The following SLC39A11 variants were observed in gnomAD, a reference collection of about 807,000 sequenced individuals.
SLC39A11 encodes solute carrier family 39 member 11.
Under a neutral mutation model 36.1 loss-of-function variants are expected in SLC39A11, and 33 were observed. The observed-to-expected ratio is 0.91, with a 90% CI of 0.69 to 1.22. The LOEUF (loss-of-function observed/expected upper bound fraction) is 1.22, where lower values mean the gene tolerates loss of function less well. Among genes scored for constraint, SLC39A11 ranks in the 50% most tolerant of loss-of-function variants. The probability of loss-of-function intolerance (pLI) is 0.00; values close to 1 mark genes in which losing one functional copy is unlikely to be tolerated. For synonymous variants in SLC39A11, 166 were observed against 170.3 expected (o/e 0.97, Z 0.20); for missense variants, 432 against 430.3 (o/e 1.00, Z -0.03).
chr17:72,722,353 A>T (rs1387791409), intron 7 of SLC39A11, among the ~76,000 whole-genome samples: 1 of 152,242 alleles, frequency 6.6e-6, no homozygotes, highest in Non-Finnish European at 1.5e-5. Flanking sequence ...GATTTTCAAC[A>T]GATGAAAACA....
At chr17:72,732,322 T>G (rs1044935219) in intron 7 of SLC39A11, among the ~76,000 whole-genome samples, 11 of 152,178 alleles carry the variant, frequency 7.2e-5, no homozygotes, top group African/African-American at 2.7e-4. Flanking sequence ...CCATGTGCAT[T>G]ACTTTTAACT....
intron 6 of SLC39A11, among the ~76,000 whole-genome samples, chr17:72,799,565 C>T (rs1345791895): frequency 6.6e-6 from 1 of 152,082 alleles, no homozygotes; most frequent in Non-Finnish European, 1.5e-5. Flanking sequence ...GAAAGGAATG[C>T]ATTCCTGGGG....
At chr17:72,989,028 C>T (rs908285294) in intron 4 of SLC39A11, among the ~76,000 whole-genome samples, 2 of 152,106 alleles carry the variant, frequency 1.3e-5, no homozygotes, top group African/African-American at 2.4e-5. Flanking sequence ...CTGGCCACCA[C>T]GATAAGACCT....
intron 7 of SLC39A11, among the ~76,000 whole-genome samples, chr17:72,658,962 C>A (rs1408868392): frequency 6.6e-6 from 1 of 152,144 alleles, no homozygotes; most frequent in Non-Finnish European, 1.5e-5. Flanking sequence ...CCTATTCCCC[C>A]CAGACTGGTG....
chr17:72,792,064 C>T (rs1013759889), intron 6 of SLC39A11, among the ~76,000 whole-genome samples: 34 of 152,316 alleles, frequency 2.2e-4, no homozygotes, highest in African/African-American at 7.5e-4. Context: ...GTTGTTCTGA[C>T]CCCCTTTAGT....
intron 6 of SLC39A11, among the ~76,000 whole-genome samples, chr17:72,755,839 C>T (rs1001984372): frequency 7.2e-5 from 11 of 152,214 alleles, no homozygotes; most frequent in African/African-American, 2.4e-4. Context: ...GCTCTCCCCA[C>T]TGGTAGATGC....
At chr17:72,849,335 CT>C (rs1250423497) in intron 6 of SLC39A11, among the ~76,000 whole-genome samples, 1 of 152,194 alleles carries the variant, frequency 6.6e-6, no homozygotes, top group East Asian at 1.9e-4. Flanking sequence ...AAAAGATACC[CT>C]CCACAGCAAT....
chr17:72,791,621 T>C (rs146787409), intron 6 of SLC39A11, among the ~76,000 whole-genome samples: 3 of 152,316 alleles, frequency 2.0e-5, no homozygotes, highest in African/African-American at 4.8e-5. Flanking sequence ...AAGGTACTGA[T>C]ATAGTGTGGC....
At chr17:73,011,508 G>A (rs1191897795) in intron 4 of SLC39A11, among the ~76,000 whole-genome samples, 32 of 152,228 alleles carry the variant, frequency 2.1e-4, no homozygotes, top group Admixed American at 1.9e-3. Context: ...GCGGGGAGAC[G>A]AAGGTACCCT....
chr17:72,676,541 C>A (rs183233798), intron 7 of SLC39A11, among the ~76,000 whole-genome samples: 1 of 152,114 alleles, frequency 6.6e-6, no homozygotes, highest in African/African-American at 2.4e-5. Context: ...CAATCAGCAG[C>A]AGCATGCAGA....
chr17:73,017,918 T>G (rs1203667369), intron 4 of SLC39A11, among the ~76,000 whole-genome samples: 2 of 152,022 alleles, frequency 1.3e-5, no homozygotes, highest in Non-Finnish European at 2.9e-5. Flanking sequence ...AAAAGAGAAT[T>G]CTTTCTAAGG....
intron 6 of SLC39A11, among the ~76,000 whole-genome samples, chr17:72,802,234 G>C (rs1012063844): frequency 1.3e-5 from 2 of 152,174 alleles, no homozygotes; most frequent in Non-Finnish European, 1.5e-5. Context: ...AGGGCAGATT[G>C]ATTCCACTTC....
intron 3 of SLC39A11, among the ~76,000 whole-genome samples, chr17:73,034,656 A>C (rs1421197766): frequency 6.6e-6 from 1 of 151,952 alleles, no homozygotes; most frequent in Non-Finnish European, 1.5e-5. Context: ...CCCACCCTGC[A>C]CTCCGATGAA....
chr17:72,669,582 C>G (rs1161120881), intron 7 of SLC39A11, among the ~76,000 whole-genome samples: 1 of 152,196 alleles, frequency 6.6e-6, no homozygotes, highest in Non-Finnish European at 1.5e-5. Context: ...CTCGATGTGT[C>G]TTATTCCTGG....
intron 7 of SLC39A11, among the ~76,000 whole-genome samples, chr17:72,734,416 C>T (rs2074341746): frequency 6.6e-6 from 1 of 152,124 alleles, no homozygotes; most frequent in African/African-American, 2.4e-5. Flanking sequence ...ATCATTCCTG[C>T]CCCTCAGGCT....
At chr17:72,917,557 C>G (rs180808204) in intron 5 of SLC39A11, among the ~76,000 whole-genome samples, 130 of 152,228 alleles carry the variant, frequency 8.5e-4, no homozygotes, top group Non-Finnish European at 1.5e-3. Context: ...ATGCAAGACA[C>G]TGAAATGTCT....
At position 72,924,894 on chromosome 17, in the gene SLC39A11, C is replaced by A. The variant is rs549222634; in HGVS notation, c.430+22858G>T. ...GCGTGCACCTGTAGTCCCAGCTGCT[C>A]GGGAGGCTGAGGCCAGAGAAACACT... On this transcript the variant is annotated intron_variant, in intron 5 of 9. Coordinates refer to ENST00000255559, the MANE Select transcript of SLC39A11 (RefSeq NM_139177.4). 6.3e-4 allele frequency among the ~76,000 whole-genome samples: 94 copies of A among 148,966 alleles called. 2 individuals carry two copies. In the South Asian group the frequency reaches 0.02, roughly 32 times the overall value.
chr17:72,949,359 C>T (rs540285201), intron 4 of SLC39A11, among the ~76,000 whole-genome samples: 48 of 151,790 alleles, frequency 3.2e-4, no homozygotes, highest in African/African-American at 1.1e-3. Flanking sequence ...TAGGGTTTCA[C>T]CATGTTGGCC....
chr17:72,745,354 T>C (rs1736272819), intron 6 of SLC39A11, among the ~76,000 whole-genome samples: 3 of 152,184 alleles, frequency 2.0e-5, no homozygotes, highest in African/African-American at 4.8e-5. Context: ...CCCTGGGATA[T>C]GGGCCCAGCT....
Sources: gnomAD v4.1 joint callset for allele counts (sites outside exome capture counted in the v4.1 genomes callset) on GRCh38, gnomAD v4.1.1 for gene constraint, MANE v1.5 for transcripts, NCBI Gene and HGNC (gene_info 2026-07-23, HGNC 2026-07-21) for gene names.